The following MBTPS1 variants were observed in gnomAD, a reference collection of about 807,000 sequenced individuals.
The protein encoded by MBTPS1 is membrane-bound transcription factor site-1 protease.
Under a neutral mutation model 127.8 loss-of-function variants are expected in MBTPS1, and 94 were observed. The ratio of observed to expected loss-of-function variants is 0.74; its 90% confidence interval spans 0.62 to 0.87. MBTPS1 has a LOEUF of 0.87. Among genes scored for constraint, MBTPS1 ranks in the 40% least tolerant of loss-of-function variants. The pLI, the probability that MBTPS1 is intolerant of heterozygous loss-of-function variation, is 0.00. For synonymous variants in MBTPS1, 632 were observed against 509.4 expected (o/e 1.24, Z -3.24); for missense variants, 1,636 against 1,353.2 (o/e 1.21, Z -3.28).
rs561550642 is a variant in MBTPS1, at chr16:84,084,947, C to T, written c.1286+36G>A. On this transcript the variant is annotated intron_variant, in intron 10 of 22. Transcript: ENST00000343411. Reference sequence around the variant, plus strand: ...CTGGCACCGAGTGCTCCTGTCCTGACGTGGGAGCTACTGGTCTCTAGGGGG... The same window carrying T: ...CTGGCACCGAGTGCTCCTGTCCTGATGTGGGAGCTACTGGTCTCTAGGGGG... The T allele has an allele frequency of 1.1e-5, 17 of 1,603,320 alleles. No homozygotes were observed. The East Asian group carries it at 1.6e-4, about 15-fold the overall frequency.
rs1212832086 is a variant in MBTPS1, at chr16:84,074,658, G to C, written c.1532C>G (p.Pro511Arg). The change falls in exon 12 of 23, where the codon CCG becomes CGG. Residue 511 changes from proline (P) to arginine (R), a missense_variant. Pro to Arg is a moderately radical substitution (Grantham distance 103, BLOSUM62 -2). Coordinates refer to ENST00000343411, the MANE Select transcript of MBTPS1 (RefSeq NM_003791.4). Reference sequence around the variant, plus strand: ...GAGGATGGTGACATTAACAACTGTCGGCATTCCTCCATAGTAGATGGGCTG... The same window carrying C: ...GAGGATGGTGACATTAACAACTGTCCGCATTCCTCCATAGTAGATGGGCTG... The part of the protein sequence containing the change: ...CSQPIYYGGM[P>R]TVVNVTILNG... 5.6e-6 allele frequency: 9 copies of C among 1,613,922 alleles called. No individual in the cohort carries two copies. The highest frequency in any genetic ancestry group is 6.8e-6 in the Non-Finnish European group (8 of 1,179,960).
chr16:84,098,255 T>G (rs116434605), intron 3 of MBTPS1, among the ~76,000 whole-genome samples: 1 of 152,138 alleles, frequency 6.6e-6, no homozygotes, highest in East Asian at 1.9e-4. Context: ...TGACCATTCC[T>G]GGTCAGGAGG....
At chr16:84,099,687 G>A (rs1231774394) in intron 2 of MBTPS1, among the ~76,000 whole-genome samples, 1 of 150,748 alleles carries the variant, frequency 6.6e-6, no homozygotes, top group African/African-American at 2.4e-5. Flanking sequence ...TAAGGCAGGA[G>A]AATCACTTGA....
In MBTPS1 at chr16:84,090,775, A is replaced by G. The variant is rs577879977; in HGVS notation, c.1031+100T>C. On this transcript the variant is annotated intron_variant, in intron 8 of 22. Coordinates refer to ENST00000343411, the MANE Select transcript of MBTPS1 (RefSeq NM_003791.4). ...TCCTTAAGACAAGTTTTAGACAGACATAAACAAGTAACCATAGGTAGATAC... is the reference window on the plus strand; with the variant it reads ...TCCTTAAGACAAGTTTTAGACAGACGTAAACAAGTAACCATAGGTAGATAC... 3 of 864,094 alleles carry G rather than the reference A, an allele frequency of 3.5e-6. No individual in the cohort carries two copies. The African/African-American group carries it at 5.1e-5, about 15-fold the overall frequency. The allele number at this position is 864,094 out of a possible 1,614,324, so 53.5% of individuals were successfully genotyped here.
Position 84,085,051 on chromosome 16 carries a change from C to A in MBTPS1, c.1218G>T (p.Gly406=), listed in dbSNP as rs145922793. The A allele has an allele frequency of 1.2e-6, 2 of 1,614,148 alleles. No individual in the cohort carries two copies. Among genetic ancestry groups the A allele is most frequent in the Admixed American group, 1.7e-5 (1 of 60,024 alleles). Residue 406 remains glycine (G), a synonymous_variant, in exon 10 of 23, where the codon GGG becomes GGT. Coordinates refer to ENST00000343411, the MANE Select transcript of MBTPS1 (RefSeq NM_003791.4). ...AGVRGSGVKG[G]CRALSGTSVA... is the part of the protein sequence containing the mutation. ...CACTGGTCCCTGAGAGGGCCCGGCA[C>A]CCCCCTTTCACGCCAGAACCCCGCA...
intron 9 of MBTPS1, chr16:84,086,452 A>T (rs1010445753): frequency 6.6e-6 from 1 of 152,352 alleles, no homozygotes; most frequent in African/African-American, 2.4e-5. Flanking sequence ...ACATGAGAGA[A>T]TGGTCCCCAG....
At chr16:84,076,423 G>C (rs2085855662) in intron 11 of MBTPS1, among the ~76,000 whole-genome samples, 1 of 152,144 alleles carries the variant, frequency 6.6e-6, no homozygotes, top group Admixed American at 6.5e-5. Flanking sequence ...GTTCAACACT[G>C]TGCTAGATAT....
intron 1 of MBTPS1, among the ~76,000 whole-genome samples, chr16:84,116,518 A>C (rs997535302): frequency 6.6e-6 from 1 of 152,202 alleles, no homozygotes; most frequent in Non-Finnish European, 1.5e-5. Flanking sequence ...CAGGCAACGG[A>C]ACAAGCTGCC....
chr16:84,112,140 T>C (rs1220292142), intron 1 of MBTPS1, among the ~76,000 whole-genome samples: 3 of 152,026 alleles, frequency 2.0e-5, no homozygotes, highest in African/African-American at 7.2e-5. Context: ...AGGTGGAGGT[T>C]GCAGTGGGCG....
intron 18 of MBTPS1, 42 bp from the exon 19 acceptor site, chr16:84,063,487 A>G (rs761816416): frequency 2.5e-6 from 4 of 1,591,290 alleles, no homozygotes; most frequent in Admixed American, 3.4e-5. Context: ...GAGAGTTTCC[A>G]CTGAGCAGTG....
intron 22 of MBTPS1, 35 bp downstream of exon 22, chr16:84,055,970 G>A: frequency 1.9e-6 from 3 of 1,597,724 alleles, no homozygotes; most frequent in Non-Finnish European, 2.6e-6. Context: ...AATACAGGAT[G>A]ACTGAGCACA....
At chr16:84,115,524 C>A (rs1311811185) in intron 1 of MBTPS1, among the ~76,000 whole-genome samples, 4 of 152,276 alleles carry the variant, frequency 2.6e-5, no homozygotes, top group Non-Finnish European at 4.4e-5. Context: ...GTGGTATAGC[C>A]ATACAACTGA....
At chr16:84,070,876 G>C in intron 12 of MBTPS1, 100 bp from the exon 13 acceptor site, 1 of 846,330 alleles carries the variant, frequency 1.2e-6, no homozygotes, top group South Asian at 1.8e-5. Flanking sequence ...CTGGTTCCGA[G>C]AAATACTTCA....
chr16:84,067,738 C>T lies in MBTPS1; in HGVS notation c.2157G>A (p.Ser719=), dbSNP rs768818247. Residue 719 remains serine, a synonymous_variant, in exon 16 of 23, where the codon TCG becomes TCA. Transcript: ENST00000343411. The stretch of plus-strand genomic sequence containing the variant: ...TGTACCAGTCACTGAAGATGACGAG[C>T]GAGAGGCCGTTGTCCACGTCCCTCC... The part of the protein sequence containing the change: ...KLRRDVDNGL[S]LVIFSDWYNT... 41 of 1,613,900 alleles carry T rather than the reference C, an allele frequency of 2.5e-5. No individual in the cohort carries two copies. Among genetic ancestry groups the T allele is most frequent in the African/African-American group, 1.2e-4 (9 of 74,918 alleles).
At position 84,116,862 on chromosome 16, in the gene MBTPS1, G is replaced by C. The variant is rs1339454302; in HGVS notation, c.-452C>G. Reference sequence around the variant, plus strand: ...CGAGACTGGGCGACCGGGCCAGCGAGGCCCACAGCTGGGAGCCTCAGCTCC... The same window carrying C: ...CGAGACTGGGCGACCGGGCCAGCGACGCCCACAGCTGGGAGCCTCAGCTCC... On this transcript the variant is annotated 5_prime_UTR_variant, in exon 1 of 23. Coordinates refer to ENST00000343411, the MANE Select transcript of MBTPS1 (RefSeq NM_003791.4). The C allele has an allele frequency of 6.6e-6, 1 of 152,400 alleles. No individual in the cohort carries two copies. Among genetic ancestry groups the C allele is most frequent in the African/African-American group, 2.4e-5 (1 of 41,578 alleles). 9.4% of individuals were successfully genotyped at this position (152,400 alleles called of 1,614,324 possible).
intron 20 of MBTPS1, 113 bp from the exon 21 acceptor site, chr16:84,059,541 AG>A: frequency 1.0e-6 from 1 of 979,882 alleles, no homozygotes; most frequent in Non-Finnish European, 1.5e-6. Flanking sequence ...CACAGCACAG[AG>A]CCCCTGTGCT....
Position 84,067,724 on chromosome 16 carries a change from C to T in MBTPS1, c.2171G>A (p.Ser724Asn), listed in dbSNP as rs1169094981. 1 of 1,614,170 alleles carries T rather than the reference C, an allele frequency of 6.2e-7. No individual in the cohort carries two copies. The highest frequency in any genetic ancestry group is 8.5e-7 in the Non-Finnish European group (1 of 1,179,974). The change falls in exon 16 of 23, where the codon AGT (serine) becomes AAT (asparagine). Residue 724 changes from serine to asparagine, a missense_variant. By Grantham distance (46) the Ser-to-Asn change is conservative. Transcript: ENST00000343411. ...VDNGLSLVIF[S>N]DWYNTSVMRK... ...CATAACAGAAGTGTTGTACCAGTCA[C>T]TGAAGATGACGAGCGAGAGGCCGTT...
chr16:84,069,295 T>A (rs1236437034), intron 14 of MBTPS1, among the ~76,000 whole-genome samples: 1 of 152,098 alleles, frequency 6.6e-6, no homozygotes, highest in South Asian at 2.1e-4. Flanking sequence ...GGAGAGCGGC[T>A]ATGGGGACTG....
chr16:84,074,929 C>G (rs748782286), intron 11 of MBTPS1, 188 bp from the exon 12 acceptor site: 11 of 495,342 alleles, frequency 2.2e-5, no homozygotes, highest in Non-Finnish European at 3.9e-5. Context: ...TCTGTGCCAG[C>G]CTGCTGTCTA....
Sources: gnomAD v4.1 joint callset for allele counts (sites outside exome capture counted in the v4.1 genomes callset) on GRCh38, gnomAD v4.1.1 for gene constraint, MANE v1.5 for transcripts, NCBI Gene and HGNC (gene_info 2026-07-23, HGNC 2026-07-21) for gene names.